Variants in CCNY observed in about 807,000 individuals in gnomAD.
The protein encoded by CCNY is cyclin-Y.
CCNY carries 19 observed loss-of-function variants against 42.8 expected under a neutral mutation model. That is an observed-to-expected ratio of 0.44 (90% CI 0.31 to 0.65). CCNY has a LOEUF of 0.65. Ranked by LOEUF, CCNY falls within the 30% of genes least tolerant of loss-of-function variation. CCNY has a pLI of 0.07. For synonymous variants in CCNY, 165 were observed against 162.7 expected (o/e 1.01, Z -0.11); for missense variants, 370 against 437.3 (o/e 0.85, Z 1.37).
intron 3 of CCNY, among the ~76,000 whole-genome samples, chr10:35,508,527 A>G (rs906170650): frequency 2.6e-5 from 4 of 152,198 alleles, no homozygotes; most frequent in Non-Finnish European, 5.9e-5. Context: ...AGTGGCAAAC[A>G]GTGCTAGAAC....
intron 3 of CCNY, among the ~76,000 whole-genome samples, chr10:35,297,438 C>T (rs1835484150): frequency 6.6e-6 from 1 of 152,166 alleles, no homozygotes; most frequent in African/African-American, 2.4e-5. Flanking sequence ...CCCTTGAAAA[C>T]TGCCACAAGA....
At chr10:35,382,464 C>T (rs997547451) in intron 1 of CCNY, among the ~76,000 whole-genome samples, 1 of 152,212 alleles carries the variant, frequency 6.6e-6, no homozygotes, top group African/African-American at 2.4e-5. Flanking sequence ...TCTTGACTCT[C>T]ATCTCCAGCA....
intron 1 of CCNY, among the ~76,000 whole-genome samples, chr10:35,344,594 C>CT (rs1447460533): frequency 1.3e-5 from 2 of 151,880 alleles, no homozygotes; most frequent in Admixed American, 1.3e-4. Flanking sequence ...TTAAATTATA[C>CT]TTTAAGTTTT....
At chr10:35,252,281 C>A (rs1229426693) in intron 3 of CCNY, among the ~76,000 whole-genome samples, 3 of 152,010 alleles carry the variant, frequency 2.0e-5, no homozygotes, top group Non-Finnish European at 1.5e-5. Flanking sequence ...ATGAGAATAT[C>A]CTGGCCGGGC....
At chr10:35,431,453 T>G (rs866136039) in intron 1 of CCNY, among the ~76,000 whole-genome samples, 24 of 113,128 alleles carry the variant, frequency 2.1e-4, no homozygotes, top group African/African-American at 7.2e-4. Context: ...TCTCTCTCTC[T>G]CTCTCACACT....
At chr10:35,371,386 G>C (rs1194241007) in intron 1 of CCNY, among the ~76,000 whole-genome samples, 1 of 152,160 alleles carries the variant, frequency 6.6e-6, no homozygotes, top group East Asian at 1.9e-4. Flanking sequence ...TGTCTTCCTT[G>C]CCTTTATCTC....
At chr10:35,408,127 A>G (rs1837822035) in intron 1 of CCNY, among the ~76,000 whole-genome samples, 2 of 152,206 alleles carry the variant, frequency 1.3e-5, no homozygotes, top group African/African-American at 4.8e-5. Flanking sequence ...AGGTTGGAGA[A>G]GAGAGTAAAA....
chr10:35,448,732 A>G (rs887864917), intron 1 of CCNY, among the ~76,000 whole-genome samples: 2 of 152,030 alleles, frequency 1.3e-5, no homozygotes, highest in Non-Finnish European at 2.9e-5. Flanking sequence ...GGGAGTGGTC[A>G]GAGAGGCAGC....
chr10:35,476,662 A>G (rs1440134619), intron 1 of CCNY, among the ~76,000 whole-genome samples: 2 of 151,020 alleles, frequency 1.3e-5, no homozygotes, highest in South Asian at 4.3e-4. Flanking sequence ...TTATAGCACT[A>G]AATGCCCACA....
At chr10:35,334,696 T>C (rs913272475), upstream of CCNY, among the ~76,000 whole-genome samples, 13 of 152,288 alleles carry the variant, frequency 8.5e-5, no homozygotes, top group Admixed American at 3.9e-4. Context: ...TCCTAACAAA[T>C]AGCATTAATA....
chr10:35,278,969 A>ATGCC (rs1323887231), intron 3 of CCNY, among the ~76,000 whole-genome samples: 2 of 152,112 alleles, frequency 1.3e-5, no homozygotes, highest in East Asian at 1.9e-4. Context: ...GTTGCTGGTA[A>ATGCC]TGCCGCCCAT....
At chr10:35,483,599 A>G in intron 2 of CCNY, 121 bp downstream of exon 2, 1 of 621,550 alleles carries the variant, frequency 1.6e-6, no homozygotes, top group Non-Finnish European at 2.8e-6. Flanking sequence ...TGACCCACAC[A>G]TATACTGTTT....
intron 3 of CCNY, among the ~76,000 whole-genome samples, chr10:35,330,738 A>C (rs978779501): frequency 6.6e-6 from 1 of 151,534 alleles, no homozygotes; most frequent in Non-Finnish European, 1.5e-5. Flanking sequence ...TCCAAGAAGC[A>C]GAGAAGAGGC....
chr10:35,412,001 T>A (rs1292820783), intron 1 of CCNY, among the ~76,000 whole-genome samples: 1 of 152,154 alleles, frequency 6.6e-6, no homozygotes, highest in African/African-American at 2.4e-5. Flanking sequence ...GTTCCAAGTG[T>A]CTTCCTTCAG....
intron 3 of CCNY, among the ~76,000 whole-genome samples, chr10:35,251,393 G>A (rs539639162): frequency 2.6e-5 from 4 of 152,266 alleles, no homozygotes; most frequent in East Asian, 1.9e-4. Flanking sequence ...TGGCAGCACA[G>A]ATGAGACAGA....
chr10:35,310,536 C>G (rs1835670983), intron 3 of CCNY, among the ~76,000 whole-genome samples: 1 of 152,138 alleles, frequency 6.6e-6, no homozygotes, highest in African/African-American at 2.4e-5. Context: ...CAGTGTATAT[C>G]CCCTTTCCCT....
At chr10:35,385,332 G>A (rs1011701632) in intron 1 of CCNY, among the ~76,000 whole-genome samples, 2 of 152,118 alleles carry the variant, frequency 1.3e-5, no homozygotes, top group African/African-American at 2.4e-5. Flanking sequence ...CTCCCTCACC[G>A]TTTGCCAGCA....
At chr10:35,500,921 C>T (rs2135390297) in intron 2 of CCNY, among the ~76,000 whole-genome samples, 1 of 152,216 alleles carries the variant, frequency 6.6e-6, no homozygotes, top group East Asian at 1.9e-4. Context: ...CCTCTGTCAG[C>T]CTTATGGGGT....
At chr10:35,427,581 ATATG>A (rs1410562725) in intron 1 of CCNY, among the ~76,000 whole-genome samples, 1 of 152,236 alleles carries the variant, frequency 6.6e-6, no homozygotes, top group Non-Finnish European at 1.5e-5. Context: ...ATATGAATGA[ATATG>A]TGTGTATTTC....
Sources: gnomAD v4.1 joint callset for allele counts (sites outside exome capture counted in the v4.1 genomes callset) on GRCh38, gnomAD v4.1.1 for gene constraint, MANE v1.5 for transcripts, NCBI Gene and HGNC (gene_info 2026-07-23, HGNC 2026-07-21) for gene names.